The following CPT2 variants were observed in gnomAD, a reference collection of about 807,000 sequenced individuals.
CPT2 encodes carnitine palmitoyltransferase 2.
A neutral mutation model predicts 48.6 loss-of-function variants in CPT2; 37 were observed. That is an observed-to-expected ratio of 0.76 (90% CI 0.59 to 1.00). The LOEUF is 1.00. CPT2 is among the 50% of genes least tolerant of loss of function. The pLI, the probability that CPT2 is intolerant of heterozygous loss-of-function variation, is 0.00. For missense variants in CPT2, 772 were observed against 825.6 expected, an observed-to-expected ratio of 0.94 and a Z score of 0.80; for synonymous variants, 319 against 326.9, an observed-to-expected ratio of 0.98 and a Z score of 0.26.
chr1:53,210,847 C>T lies in CPT2; in HGVS notation c.1173C>T (p.Ser391=), dbSNP rs1645420942. The T allele has an allele frequency of 6.2e-7, 1 of 1,614,136 alleles. No individual in the cohort carries two copies. Among genetic ancestry groups the T allele is most frequent in the South Asian group, 1.1e-5 (1 of 91,074 alleles). Residue 391 remains serine, a synonymous_variant, in exon 4 of 5, where the codon AGC becomes AGT. Coordinates refer to ENST00000371486, the MANE Select transcript of CPT2 (RefSeq NM_000098.3). ...TTTTTAATGAAGTATTTAAAGACAG[C>T]ACTCAGACCCCTGCCGTCACTCCAC... The part of the protein sequence containing the change: ...LRFFNEVFKD[S]TQTPAVTPQS...
At chr1:53,208,941 TG>T (rs1645403697) in intron 3 of CPT2, 1 of 152,232 alleles carries the variant, frequency 6.6e-6, no homozygotes, top group Admixed American at 6.5e-5. Flanking sequence ...CTCGTGGGAA[TG>T]GTGCAGCCAC....
rs766740182 is a variant in CPT2 at position 53,197,071 on chromosome 1, T to C, written c.128T>C (p.Met43Thr). Residue 43 changes from methionine (M) to threonine (T), a missense_variant, in exon 1 of 5, where the codon ATG becomes ACG. Met to Thr is a moderately conservative substitution (Grantham distance 81). Coordinates refer to ENST00000371486, the MANE Select transcript of CPT2 (RefSeq NM_000098.3). ...CTGCAGCGCAGCATCGTGCCCACCA[T>C]GCACTACCAGGACAGCCTGCCCAGG... The part of the protein sequence containing the change: ...QYLQRSIVPT[M>T]HYQDSLPRLP... The C allele has an allele frequency of 1.3e-6, 2 of 1,539,244 alleles. No individual in the cohort carries two copies. Among genetic ancestry groups the C allele is most frequent in the South Asian group, 2.4e-5 (2 of 84,054 alleles).
intron 3 of CPT2, among the ~76,000 whole-genome samples, chr1:53,205,334 A>T (rs1645380578): frequency 6.6e-6 from 1 of 152,162 alleles, no homozygotes; most frequent in Non-Finnish European, 1.5e-5. Flanking sequence ...TTTGAACTTG[A>T]GAGGGGTGAT....
chr1:53,196,835 T>G lies in CPT2; in HGVS notation c.-109T>G. The stretch of plus-strand genomic sequence containing the variant: ...AGTGGCCTGCGGGCGGAGAAGTGCC[T>G]CAGGAGTCCTGACGCAGTGTCTTGG... On this transcript the variant is annotated 5_prime_UTR_variant, in exon 1 of 5. Coordinates refer to ENST00000371486, the MANE Select transcript of CPT2 (RefSeq NM_000098.3). 7.2e-7 allele frequency: 1 copy of G among 1,397,982 alleles called. No homozygotes were observed. The highest frequency in any genetic ancestry group is 1.2e-5 in the South Asian group (1 of 80,254). 86.6% of individuals were successfully genotyped at this position (1,397,982 alleles called of 1,614,324 possible).
chr1:53,207,555 G>A (rs1411663967), intron 3 of CPT2: 3 of 152,228 alleles, frequency 2.0e-5, no homozygotes, highest in Admixed American at 1.3e-4. Context: ...TCAGCCTCCT[G>A]GGTTCAAGTG....
chr1:53,210,483 A>C lies in CPT2; in HGVS notation c.809A>C (p.Gln270Pro). The C allele has an allele frequency of 6.2e-7, 1 of 1,614,108 alleles. No homozygotes were observed. The highest frequency in any genetic ancestry group is 8.5e-7 in the Non-Finnish European group (1 of 1,180,038). The change falls in exon 4 of 5, where the codon CAG (glutamine) becomes CCG (proline). Residue 270 changes from glutamine (Q) to proline (P), a missense_variant. Coordinates refer to ENST00000371486, the MANE Select transcript of CPT2 (RefSeq NM_000098.3). ...AACATTGTGAGCCCCTCGGAAATCC[A>C]GGCACATCTGAAGTACATTCTCTCA... ...DGNIVSPSEIQAHLKYILSDS... is the reference protein window; with the variant it reads ...DGNIVSPSEIPAHLKYILSDS...
intron 3 of CPT2, among the ~76,000 whole-genome samples, chr1:53,205,824 A>C (rs570799475): frequency 6.2e-4 from 95 of 152,200 alleles, no homozygotes; most frequent in Non-Finnish European, 1.2e-3. Flanking sequence ...TGCAAGCCCC[A>C]AGCATTGGAG....
At position 53,197,316 on chromosome 1, in the gene CPT2, T is replaced by A; in HGVS notation, c.152+221T>A. 12 of 617,896 alleles carry A rather than the reference T, an allele frequency of 1.9e-5. No individual in the cohort carries two copies. In the South Asian group the frequency reaches 2.2e-4, roughly 11 times the overall value. The allele number at this position is 617,896 out of a possible 1,614,324, so 38.3% of individuals were successfully genotyped here. ...ATTCTCTTCCAGAACCCCTCGATGC[T>A]ATCTCAGATTCTCCATCTTGAACGC... On this transcript the variant is annotated intron_variant, in intron 1 of 4. Transcript: ENST00000371486.
At chr1:53,197,584 A>T in intron 1 of CPT2, 1 of 242,748 alleles carries the variant, frequency 4.1e-6, no homozygotes, top group East Asian at 1.5e-4. Context: ...GTCACTCAGG[A>T]CCCTCAGCCC....
At position 53,200,385 on chromosome 1, in the gene CPT2, G is replaced by A. The variant is rs116659787; in HGVS notation, c.153-334G>A. On this transcript the variant is annotated intron_variant, in intron 1 of 4. Transcript: ENST00000371486. ...AAACTAAGGGTAGAATTAAATCAGG[G>A]CCAATACAGTGTTAGCACAGGTGTT... 586 of 252,450 alleles carry A rather than the reference G, an allele frequency of 2.3e-3. 4 individuals are homozygous for A. Among genetic ancestry groups the A allele is most frequent in the African/African-American group, 0.013 (558 of 44,270 alleles). 15.6% of individuals were successfully genotyped at this position (252,450 alleles called of 1,614,324 possible).
intron 1 of CPT2, among the ~76,000 whole-genome samples, chr1:53,198,790 A>G (rs938061194): frequency 6.6e-6 from 1 of 152,224 alleles, no homozygotes; most frequent in Non-Finnish European, 1.5e-5. Context: ...TTCAAATAGT[A>G]CCACTAGTCA....
chr1:53,197,277 C>T lies in CPT2; in HGVS notation c.152+182C>T, dbSNP rs116571455. The T allele has an allele frequency of 1.2e-3, 901 of 734,184 alleles. 8 individuals carry two copies. In the African/African-American group the frequency reaches 0.015, roughly 12 times the overall value. The allele number at this position is 734,184 out of a possible 1,614,324, so 45.5% of individuals were successfully genotyped here. A position where few individuals can be genotyped will look rare whatever the true frequency, so the allele number is the denominator to read the frequency against. ...TTTCACAATCTCCTAGCACAGGAAC[C>T]TCAGAACCCTCAAATTCTCTTCCAG... On this transcript the variant is annotated intron_variant, in intron 1 of 4. Coordinates refer to ENST00000371486, the MANE Select transcript of CPT2 (RefSeq NM_000098.3).
Position 53,213,628 on chromosome 1 carries a change from CTCA to C in CPT2, c.*38_*40del, listed in dbSNP as rs1557719938. ...GCAGATGAAAAGCTACCATCACTTC[CTCA>C]TCATGAAAACTGGGAGGCCGGGCAT... On this transcript the variant is annotated 3_prime_UTR_variant, in exon 5 of 5. Coordinates refer to ENST00000371486, the MANE Select transcript of CPT2 (RefSeq NM_000098.3). 6.3e-7 allele frequency: 1 copy of C among 1,589,994 alleles called. No individual in the cohort carries two copies. The highest frequency in any genetic ancestry group is 2.2e-5 in the East Asian group (1 of 44,730).
At chr1:53,199,347 C>G (rs1009337597) in intron 1 of CPT2, among the ~76,000 whole-genome samples, 35 of 152,080 alleles carry the variant, frequency 2.3e-4, no homozygotes, top group African/African-American at 8.5e-4. Context: ...CACCATCATG[C>G]CTGGCTGATT....
rs984560779 is a variant in CPT2 at position 53,213,668 on chromosome 1, C to A, written c.*73C>A. The A allele has an allele frequency of 9.9e-5, 135 of 1,358,280 alleles. No homozygotes were observed. The East Asian group carries it at 3.2e-3, about 32-fold the overall frequency. The allele number at this position is 1,358,280 out of a possible 1,614,324, so 84.1% of individuals were successfully genotyped here. On this transcript the variant is annotated 3_prime_UTR_variant, in exon 5 of 5. Transcript: ENST00000371486. ...GGGAGGCCGGGCATGGTGGCTCATG[C>A]CTGTAATCCCAGCATTTTGAGAGGC... is the stretch of plus-strand genomic sequence containing the variant.
chr1:53,208,504 T>G (rs1025899322), intron 3 of CPT2: 1 of 152,270 alleles, frequency 6.6e-6, no homozygotes, highest in East Asian at 1.9e-4. Context: ...CTATAGGAAC[T>G]CAGAGGGCTA....
chr1:53,202,637 T>C (rs1645360953), intron 3 of CPT2: 2 of 603,136 alleles, frequency 3.3e-6, no homozygotes, highest in Non-Finnish European at 6.0e-6. Context: ...TCAAGAATGA[T>C]GGCCAGCCTT....
intron 4 of CPT2, among the ~76,000 whole-genome samples, chr1:53,212,493 C>A (rs1645435751): frequency 6.6e-6 from 1 of 152,210 alleles, no homozygotes; most frequent in African/African-American, 2.4e-5. Flanking sequence ...CACCACTGCA[C>A]CCAACCTTTT....
intron 4 of CPT2, chr1:53,212,902 A>G (rs996760095): frequency 2.1e-6 from 1 of 485,244 alleles, no homozygotes; most frequent in Non-Finnish European, 3.6e-6. Flanking sequence ...TTACACTTGA[A>G]TCAGACTTTT....
Sources: allele counts gnomAD v4.1 joint callset (sites outside exome capture counted in the v4.1 genomes callset), GRCh38; gene constraint gnomAD v4.1.1; transcripts MANE v1.5; gene names NCBI Gene and HGNC (gene_info 2026-07-23, HGNC 2026-07-21).